The following SOX5 variants were observed in gnomAD, a reference collection of about 807,000 sequenced individuals.
The protein encoded by SOX5 is SRY-box transcription factor 5.
Under a neutral mutation model 92.0 loss-of-function variants are expected in SOX5, and 9 were observed. The ratio of observed to expected loss-of-function variants is 0.10; its 90% CI spans 0.06 to 0.17. The LOEUF is 0.17. Among genes scored for constraint, SOX5 ranks in the 10% least tolerant of loss-of-function variants. SOX5 has a pLI of 1.00. For missense variants in SOX5, 642 were observed against 944.5 expected (o/e 0.68, Z 4.20); for synonymous variants, 344 against 336.3 (o/e 1.02, Z -0.25).
At chr12:23,926,853 G>A (rs1426808936) in intron 1 of SOX5, among the ~76,000 whole-genome samples, 1 of 151,998 alleles carries the variant, frequency 6.6e-6, no homozygotes, top group Non-Finnish European at 1.5e-5. Context: ...TGCAAGGTTC[G>A]TCAACTTTAG....
chr12:24,089,955 C>T (rs1360566876), intron 4 of SOX5, among the ~76,000 whole-genome samples: 1 of 152,088 alleles, frequency 6.6e-6, no homozygotes, highest in Non-Finnish European at 1.5e-5. Flanking sequence ...AAATGGAAAG[C>T]AGCATGTAGG....
At chr12:24,146,990 A>G (rs1008433548) in intron 4 of SOX5, among the ~76,000 whole-genome samples, 2 of 152,132 alleles carry the variant, frequency 1.3e-5, no homozygotes, top group South Asian at 4.1e-4. Context: ...ATAGTAAAAA[A>G]CCTTTCCACA....
chr12:24,296,007 C>T (rs1297365202), intron 2 of SOX5, among the ~76,000 whole-genome samples: 1 of 152,150 alleles, frequency 6.6e-6, no homozygotes, highest in Non-Finnish European at 1.5e-5. Flanking sequence ...TTACCCAGTG[C>T]ATTATTTTAG....
intron 2 of SOX5, among the ~76,000 whole-genome samples, chr12:24,315,248 T>TA (rs1949590754): frequency 6.6e-6 from 1 of 152,212 alleles, no homozygotes; most frequent in Admixed American, 6.5e-5. Flanking sequence ...TAGCTGTCTG[T>TA]AAAAAATAGC....
In SOX5 at chr12:24,438,444, C is replaced by T. The variant is rs2900534; in HGVS notation, c.-250-69805G>A. Reference sequence around the variant, plus strand: ...TTAAAGTATAGTTAAAAAAAATATACATATATATATATTTTGTAAGGCTAT... The same window carrying T: ...TTAAAGTATAGTTAAAAAAAATATATATATATATATATTTTGTAAGGCTAT... On this transcript the variant is annotated intron_variant, in intron 1 of 4. Transcript: ENST00000446891. 4.6e-3 allele frequency among the ~76,000 whole-genome samples: 701 copies of T among 151,762 alleles called. 11 individuals are homozygous for T. The East Asian group carries it at 0.051, about 11-fold the overall frequency.
intron 1 of SOX5, among the ~76,000 whole-genome samples, chr12:24,397,281 T>C (rs1960287371): frequency 6.6e-6 from 1 of 152,154 alleles, no homozygotes; most frequent in Admixed American, 6.6e-5. Flanking sequence ...ACTATTTCCA[T>C]ATATCAAATC....
At chr12:23,626,086 T>C (rs558781468) in intron 8 of SOX5, among the ~76,000 whole-genome samples, 13 of 148,934 alleles carry the variant, frequency 8.7e-5, no homozygotes, top group African/African-American at 3.0e-4. Context: ...GAGGAAAAAA[T>C]GAAGAAAAAA....
intron 13 of SOX5, among the ~76,000 whole-genome samples, chr12:23,539,514 G>A (rs1467369291): frequency 1.3e-5 from 2 of 151,104 alleles, no homozygotes; most frequent in South Asian, 4.2e-4. Flanking sequence ...GGCTCACAAA[G>A]AGAAGAGCAT....
chr12:23,924,601 T>C (rs898340646), intron 1 of SOX5, among the ~76,000 whole-genome samples: 2 of 152,170 alleles, frequency 1.3e-5, no homozygotes, highest in African/African-American at 4.8e-5. Context: ...ACTTGCAGGC[T>C]ACCAGTATCT....
chr12:24,341,775 T>C (rs1952602233), intron 2 of SOX5, among the ~76,000 whole-genome samples: 1 of 152,146 alleles, frequency 6.6e-6, no homozygotes, highest in South Asian at 2.1e-4. Context: ...TCAACAATAG[T>C]GGCTTCCTTC....
At position 23,645,366 on chromosome 12, in the gene SOX5, G is replaced by A. The variant is rs2138867373; in HGVS notation, c.932-4469C>T. On this transcript the variant is annotated intron_variant, in intron 7 of 14. Transcript: ENST00000451604. The stretch of plus-strand genomic sequence containing the variant: ...AACAGGTGATAGAATAAAGTAGAGG[G>A]AAAAGAGATTGAAGACAAGGAGTTG... Among the ~76,000 whole-genome samples the A allele has an allele frequency of 3.3e-5, 5 of 152,238 alleles. 1 individual carries two copies. Among genetic ancestry groups the A allele is most frequent in the Admixed American group, 3.3e-4 (5 of 15,290 alleles).
intron 1 of SOX5, among the ~76,000 whole-genome samples, chr12:24,528,341 A>G (rs1393965299): frequency 6.6e-6 from 1 of 152,136 alleles, no homozygotes; most frequent in Admixed American, 6.5e-5. Flanking sequence ...TCATCTAAAT[A>G]TTAAAGTCTG....
At chr12:24,348,673 C>T (rs530106897) in intron 2 of SOX5, among the ~76,000 whole-genome samples, 2 of 152,228 alleles carry the variant, frequency 1.3e-5, no homozygotes, top group South Asian at 4.1e-4. Flanking sequence ...CATGAGACAC[C>T]ACACCCAGCC....
At chr12:23,915,498 G>T (rs937397673) in intron 1 of SOX5, among the ~76,000 whole-genome samples, 1 of 152,082 alleles carries the variant, frequency 6.6e-6, no homozygotes, top group African/African-American at 2.4e-5. Flanking sequence ...AGAAAAGTGA[G>T]TAATCACGTT....
chr12:24,040,977 G>A (rs1350179070), intron 4 of SOX5, among the ~76,000 whole-genome samples: 1 of 152,140 alleles, frequency 6.6e-6, no homozygotes, highest in South Asian at 2.1e-4. Context: ...AATACTTCGT[G>A]ACTGGGGGGA....
chr12:24,044,887 G>A (rs550838650), intron 4 of SOX5, among the ~76,000 whole-genome samples: 31 of 152,290 alleles, frequency 2.0e-4, no homozygotes, highest in African/African-American at 6.7e-4. Flanking sequence ...TCTTAGAAGA[G>A]CCTTGGACAA....
At chr12:23,662,153 A>G (rs1294322921) in intron 7 of SOX5, among the ~76,000 whole-genome samples, 6 of 152,030 alleles carry the variant, frequency 3.9e-5, no homozygotes, top group African/African-American at 1.5e-4. Flanking sequence ...ACACACACAC[A>G]TATACATATA....
chr12:23,616,267 G>A (rs1009943011), intron 8 of SOX5, among the ~76,000 whole-genome samples: 4 of 152,220 alleles, frequency 2.6e-5, no homozygotes, highest in African/African-American at 4.8e-5. Flanking sequence ...AGGGACAGGG[G>A]TAGAGAATAG....
intron 1 of SOX5, among the ~76,000 whole-genome samples, chr12:24,514,306 C>G (rs1227518648): frequency 2.6e-5 from 4 of 152,140 alleles, no homozygotes; most frequent in African/African-American, 7.2e-5. Context: ...ATTAACCCTC[C>G]AAGACACGTA....
Sources: gnomAD v4.1 joint callset for allele counts (sites outside exome capture counted in the v4.1 genomes callset) on GRCh38, gnomAD v4.1.1 for gene constraint, MANE v1.5 for transcripts, NCBI Gene and HGNC (gene_info 2026-07-23, HGNC 2026-07-21) for gene names.